TRAF3IP1: variants seen among roughly 807,000 people sequenced by gnomAD.
TRAF3IP1 encodes the protein TRAF3-interacting protein 1.
A neutral mutation model predicts 89.9 loss-of-function variants in TRAF3IP1; 53 were observed. The observed-to-expected ratio is 0.59, with a 90% CI of 0.47 to 0.74. The LOEUF is 0.74. Ranked by LOEUF, TRAF3IP1 falls within the 30% of genes least tolerant of loss-of-function variation. The pLI is 0.00. For synonymous variants in TRAF3IP1, 311 were observed against 322.1 expected (o/e 0.97, Z 0.37); for missense variants, 806 against 866.1 (o/e 0.93, Z 0.87).
At chr2:238,349,789 G>C (rs1307181007) in intron 12 of TRAF3IP1, among the ~76,000 whole-genome samples, 1 of 152,196 alleles carries the variant, frequency 6.6e-6, no homozygotes, top group Admixed American at 6.5e-5. Flanking sequence ...TTATAAGCAG[G>C]CTGGGCCTGG....
rs377323128 is a variant in TRAF3IP1 at position 238,397,546 on chromosome 2, C to T, written c.1777C>T (p.Leu593=). The stretch of plus-strand genomic sequence containing the variant: ...GAAGCTCCGCACGTCCATCCAGACC[C>T]TGTGCAAGAGCGCACTTCCCCTGGG... The part of the protein sequence containing the change: ...IEKLRTSIQT[L]CKSALPLGKI... The change falls in exon 16 of 17, where the codon CTG becomes TTG. Residue 593 remains leucine (L), a synonymous_variant. Transcript: ENST00000373327. The T allele has an allele frequency of 1.9e-6, 3 of 1,612,944 alleles. No individual in the cohort carries two copies. The highest frequency in any genetic ancestry group is 1.3e-5 in the African/African-American group (1 of 74,916).
intron 15 of TRAF3IP1, among the ~76,000 whole-genome samples, chr2:238,372,940 G>A (rs529531881): frequency 1.3e-5 from 2 of 152,298 alleles, no homozygotes; most frequent in African/African-American, 4.8e-5. Flanking sequence ...CTTTTGAGAA[G>A]TGTCTGTTCA....
intron 8 of TRAF3IP1, 57 bp from the exon 9 acceptor site, chr2:238,344,439 GA>G: frequency 7.3e-7 from 1 of 1,378,916 alleles, no homozygotes; most frequent in South Asian, 1.2e-5. Context: ...TGAAGCCGCT[GA>G]TCACCGGCCC....
chr2:238,359,926 A>C (rs767617140), intron 15 of TRAF3IP1, among the ~76,000 whole-genome samples: 11 of 152,176 alleles, frequency 7.2e-5, no homozygotes, highest in African/African-American at 2.7e-4. Flanking sequence ...AATTTTAACA[A>C]TATGTCAGCA....
At chr2:238,341,652 T>A (rs1698665370) in intron 8 of TRAF3IP1, among the ~76,000 whole-genome samples, 2 of 152,092 alleles carry the variant, frequency 1.3e-5, no homozygotes, top group Non-Finnish European at 1.5e-5. Context: ...TTATGGGCCG[T>A]ACGTCTGATT....
At chr2:238,386,112 G>T (rs918349174) in intron 15 of TRAF3IP1, among the ~76,000 whole-genome samples, 10 of 152,232 alleles carry the variant, frequency 6.6e-5, no homozygotes, top group Non-Finnish European at 1.3e-4. Context: ...GAAAGGTTAC[G>T]TATTGTCTTG....
At chr2:238,391,531 G>A (rs923001839) in intron 15 of TRAF3IP1, among the ~76,000 whole-genome samples, 3 of 152,170 alleles carry the variant, frequency 2.0e-5, no homozygotes, top group Non-Finnish European at 4.4e-5. Context: ...TTGGTGTTTT[G>A]CAGCAATGTA....
intron 15 of TRAF3IP1, among the ~76,000 whole-genome samples, chr2:238,371,937 T>C (rs1189740862): frequency 2.0e-5 from 3 of 152,212 alleles, no homozygotes; most frequent in Admixed American, 1.3e-4. Flanking sequence ...GAATTAAAAT[T>C]GATTATTGAA....
intron 15 of TRAF3IP1, among the ~76,000 whole-genome samples, chr2:238,357,646 C>T (rs984733083): frequency 6.6e-6 from 1 of 152,168 alleles, no homozygotes; most frequent in Non-Finnish European, 1.5e-5. Context: ...ATGCCTTCTG[C>T]AGTTTGTTTT....
intron 8 of TRAF3IP1, among the ~76,000 whole-genome samples, chr2:238,342,330 C>T (rs1387833033): frequency 1.3e-5 from 2 of 152,084 alleles, no homozygotes; most frequent in Non-Finnish European, 2.9e-5. Context: ...TTGTTTAAAA[C>T]TATTATTTGA....
At chr2:238,342,667 G>A (rs1302805576) in intron 8 of TRAF3IP1, among the ~76,000 whole-genome samples, 13 of 151,928 alleles carry the variant, frequency 8.6e-5, no homozygotes, top group African/African-American at 2.9e-4. Context: ...ATCTACAACC[G>A]CCAAACTTAT....
intron 15 of TRAF3IP1, among the ~76,000 whole-genome samples, chr2:238,378,071 A>C (rs1219621903): frequency 6.6e-6 from 1 of 150,808 alleles, no homozygotes; most frequent in Non-Finnish European, 1.5e-5. Flanking sequence ...TTACTTAGGC[A>C]TTTTTCTTTT....
chr2:238,348,553 G>A (rs1699004509), intron 10 of TRAF3IP1, among the ~76,000 whole-genome samples: 1 of 152,098 alleles, frequency 6.6e-6, no homozygotes, highest in Non-Finnish European at 1.5e-5. Flanking sequence ...GTTTGAGTGT[G>A]CCCATTTTCC....
intron 10 of TRAF3IP1, 92 bp from the exon 11 acceptor site, chr2:238,348,672 A>G (rs1238204003): frequency 3.0e-5 from 34 of 1,115,056 alleles, no homozygotes; most frequent in Admixed American, 1.2e-4. Flanking sequence ...TTGATTGCAA[A>G]TAACTGCAAA....
At chr2:238,347,607 T>C (rs1698952843) in intron 10 of TRAF3IP1, 132 bp downstream of exon 10, 1 of 840,412 alleles carries the variant, frequency 1.2e-6, no homozygotes, top group Admixed American at 2.3e-5. Context: ...AAAAAGATCA[T>C]AACTACCCTA....
intron 15 of TRAF3IP1, among the ~76,000 whole-genome samples, chr2:238,370,058 C>A (rs1054052935): frequency 4.6e-5 from 7 of 152,166 alleles, no homozygotes; most frequent in African/African-American, 1.4e-4. Context: ...CCCCAGGAGA[C>A]CTGGGTCCTT....
In TRAF3IP1 at chr2:238,351,866, T is replaced by TGTGTGTGTGTGTGTGC. The variant is rs1421537563; in HGVS notation, c.1452-960_1452-959insTGTGTGTGTGTGTGCG. Among the ~76,000 whole-genome samples, 58 of 128,242 alleles carry TGTGTGTGTGTGTGTGC rather than the reference T, an allele frequency of 4.5e-4. No homozygotes were observed. Among genetic ancestry groups the TGTGTGTGTGTGTGTGC allele is most frequent in the African/African-American group, 1.9e-3 (57 of 29,478 alleles). The allele number at this position is 128,242 out of a possible 152,430, so 84.1% of individuals were successfully genotyped here. On this transcript the variant is annotated intron_variant, in intron 12 of 16. Coordinates refer to ENST00000373327, the MANE Select transcript of TRAF3IP1 (RefSeq NM_015650.4). The surrounding 1 kb of genome is among the most constrained non-coding windows in gnomAD (Gnocchi z 5.2). ...GTGTGTGTGTGTGTGTGTGTGTGTG[T>TGTGTGTGTGTGTGTGC]GCGCGCGCGCGCGTGTGCGTGCATG...
At chr2:238,389,447 T>G (rs1228517383) in intron 15 of TRAF3IP1, among the ~76,000 whole-genome samples, 2 of 151,986 alleles carry the variant, frequency 1.3e-5, no homozygotes, top group African/African-American at 2.4e-5. Context: ...TTTTAAGATA[T>G]TTTAAAAATA....
At position 238,345,472 on chromosome 2, in the gene TRAF3IP1, A is replaced by T. The variant is rs925504404; in HGVS notation, c.1261+874A>T. ...CTGCAGCAGGGCTGGCTCAGCCCAG[A>T]GGAAGGGCCAGAGCCAGGTCCCTGT... is the stretch of plus-strand genomic sequence containing the variant. On this transcript the variant is annotated intron_variant, in intron 9 of 16. Transcript: ENST00000373327. This position sits in a 1 kb window ranked among gnomAD's most constrained non-coding sequence, Gnocchi z 4.7. Among the ~76,000 whole-genome samples the T allele has an allele frequency of 6.6e-6, 1 of 152,240 alleles. No individual in the cohort carries two copies. The highest frequency in any genetic ancestry group is 1.5e-5 in the Non-Finnish European group (1 of 68,038).
Sources: allele counts gnomAD v4.1 joint callset (sites outside exome capture counted in the v4.1 genomes callset), GRCh38; gene constraint gnomAD v4.1.1; non-coding constraint Gnocchi (gnomAD v3.1); transcripts MANE v1.5; gene names NCBI Gene and HGNC (gene_info 2026-07-23, HGNC 2026-07-21).